Variants in ROCK1 observed in about 807,000 individuals in gnomAD.
ROCK1 encodes the protein Rho associated coiled-coil containing protein kinase 1.
In ROCK1, 36 loss-of-function variants were observed where a neutral mutation model predicts 196.8. The observed-to-expected ratio is 0.18, with a 90% CI of 0.14 to 0.24. The LOEUF is 0.24. Among genes scored for constraint, ROCK1 ranks in the 10% least tolerant of loss-of-function variants. ROCK1 has a pLI of 1.00. For synonymous variants in ROCK1, 443 were observed against 515.9 expected, an observed-to-expected ratio of 0.86 and a Z score of 1.91; for missense variants, 920 against 1,562.0, an observed-to-expected ratio of 0.59 and a Z score of 6.93.
At chr18:21,014,135 T>C (rs1329581202) in intron 13 of ROCK1, among the ~76,000 whole-genome samples, 2 of 151,656 alleles carry the variant, frequency 1.3e-5, no homozygotes, top group East Asian at 3.9e-4. Context: ...AGAGCAGTGA[T>C]AGTGTAAGTT....
chr18:21,016,851 T>C (rs1312907915), intron 12 of ROCK1, among the ~76,000 whole-genome samples: 1 of 152,046 alleles, frequency 6.6e-6, no homozygotes, highest in Non-Finnish European at 1.5e-5. Flanking sequence ...TGTTTTTCCA[T>C]TACACTTAAA....
chr18:20,992,125 A>C (rs1295331256), intron 17 of ROCK1, among the ~76,000 whole-genome samples: 1 of 152,170 alleles, frequency 6.6e-6, no homozygotes, highest in Non-Finnish European at 1.5e-5. Context: ...CTGTTTGGGT[A>C]CCCTTTTCTA....
intron 27 of ROCK1, among the ~76,000 whole-genome samples, chr18:20,965,259 T>C (rs980570508): frequency 2.6e-5 from 4 of 152,084 alleles, no homozygotes; most frequent in Admixed American, 2.0e-4. Context: ...GGTGTGGTGA[T>C]GTGCACCTGT....
At chr18:21,021,548 G>A (rs2035913127) in intron 11 of ROCK1, among the ~76,000 whole-genome samples, 1 of 152,126 alleles carries the variant, frequency 6.6e-6, no homozygotes, top group African/African-American at 2.4e-5. Context: ...CAGCAAAGAA[G>A]AAAAATAAGA....
intron 20 of ROCK1, among the ~76,000 whole-genome samples, chr18:20,983,665 G>GA (rs528008775): frequency 1.3e-5 from 2 of 151,734 alleles, no homozygotes; most frequent in South Asian, 2.1e-4. Context: ...TATTTTTGGA[G>GA]AAAAAAAATA....
chr18:21,066,559 CAA>C (rs1394855132), intron 2 of ROCK1, among the ~76,000 whole-genome samples: 1 of 152,136 alleles, frequency 6.6e-6, no homozygotes, highest in Non-Finnish European at 1.5e-5. Flanking sequence ...ATCATCACCA[CAA>C]AGAGGTTACA....
At chr18:21,002,002 T>G (rs769614207) in intron 16 of ROCK1, among the ~76,000 whole-genome samples, 5 of 152,028 alleles carry the variant, frequency 3.3e-5, no homozygotes, top group Admixed American at 6.6e-5. Context: ...CAAAAATCAT[T>G]TATAAACTAA....
At chr18:20,972,487 G>GA (rs1245118471) in intron 22 of ROCK1, among the ~76,000 whole-genome samples, 2 of 152,156 alleles carry the variant, frequency 1.3e-5, no homozygotes, top group African/African-American at 4.8e-5. Context: ...AAGGCTGGAT[G>GA]AGAACAAGTA....
At chr18:21,054,956 CA>C (rs994424589) in intron 2 of ROCK1, among the ~76,000 whole-genome samples, 2 of 152,160 alleles carry the variant, frequency 1.3e-5, no homozygotes, top group African/African-American at 4.8e-5. Flanking sequence ...CCAACAACCC[CA>C]ACCCCACCAG....
intron 12 of ROCK1, among the ~76,000 whole-genome samples, chr18:21,019,071 C>T (rs1296541646): frequency 6.6e-6 from 1 of 152,204 alleles, no homozygotes; most frequent in African/African-American, 2.4e-5. Context: ...ATTAGAATGG[C>T]CACATCAAAA....
At chr18:20,988,508 G>A (rs1314478119) in intron 18 of ROCK1, among the ~76,000 whole-genome samples, 1 of 152,126 alleles carries the variant, frequency 6.6e-6, no homozygotes, top group African/African-American at 2.4e-5. Flanking sequence ...ATTCCCCACA[G>A]AGCAGCGGGA....
At chr18:21,001,933 C>A (rs1568380382) in intron 16 of ROCK1, among the ~76,000 whole-genome samples, 1 of 151,898 alleles carries the variant, frequency 6.6e-6, no homozygotes, top group African/African-American at 2.4e-5. Flanking sequence ...ACTTTTCACC[C>A]AAAAAGATGT....
chr18:20,988,066 T>A (rs112190964), intron 18 of ROCK1, among the ~76,000 whole-genome samples: 63 of 149,322 alleles, frequency 4.2e-4, no homozygotes, highest in African/African-American at 1.5e-3. Flanking sequence ...AGACTCAGTC[T>A]TTTTTTTTTC....
intron 1 of ROCK1, among the ~76,000 whole-genome samples, chr18:21,089,123 G>T (rs2036549994): frequency 6.6e-6 from 1 of 151,838 alleles, no homozygotes; most frequent in Admixed American, 6.6e-5. Context: ...TCAGCTCACT[G>T]CAACCTCCAC....
Position 21,008,102 on chromosome 18 carries a change from T to C in ROCK1, c.1503A>G (p.Lys501=). The change falls in exon 14 of 33, where the codon AAA becomes AAG. Residue 501 remains lysine, a synonymous_variant. Coordinates refer to ENST00000399799, the MANE Select transcript of ROCK1 (RefSeq NM_005406.3). ...TTCTCTTCTCATTTTCCTGTTCAGC[T>C]TTTCTTTGGTACTCATTAATTCTAT... ...LQHRINEYQR[K]AEQENEKRRN... 1 of 1,606,192 alleles carries C rather than the reference T, an allele frequency of 6.2e-7. No homozygotes were observed. The highest frequency in any genetic ancestry group is 8.5e-7 in the Non-Finnish European group (1 of 1,175,842).
At chr18:21,055,461 C>T (rs2036238790) in intron 2 of ROCK1, among the ~76,000 whole-genome samples, 1 of 152,166 alleles carries the variant, frequency 6.6e-6, no homozygotes, top group African/African-American at 2.4e-5. Flanking sequence ...AAGAAAACTA[C>T]CACTGACTTA....
intron 1 of ROCK1, among the ~76,000 whole-genome samples, chr18:21,072,186 G>T (rs932715101): frequency 1.3e-5 from 2 of 152,180 alleles, no homozygotes; most frequent in Non-Finnish European, 2.9e-5. Flanking sequence ...ATTTGATCAT[G>T]TGTTTGTTAA....
At chr18:20,990,515 G>GAT (rs961069264) in intron 18 of ROCK1, among the ~76,000 whole-genome samples, 1 of 151,446 alleles carries the variant, frequency 6.6e-6, no homozygotes. Flanking sequence ...CCAACATAGT[G>GAT]AAACGCTGTC....
intron 1 of ROCK1, among the ~76,000 whole-genome samples, chr18:21,070,896 T>C (rs922788673): frequency 1.3e-5 from 2 of 152,192 alleles, no homozygotes; most frequent in African/African-American, 4.8e-5. Flanking sequence ...CATAAGGACA[T>C]GAAATTTTAT....
Sources: gnomAD v4.1 joint callset for allele counts (sites outside exome capture counted in the v4.1 genomes callset) on GRCh38, gnomAD v4.1.1 for gene constraint, MANE v1.5 for transcripts, NCBI Gene and HGNC (gene_info 2026-07-23, HGNC 2026-07-21) for gene names.